The following CCT6B variants were observed in gnomAD, a reference collection of about 807,000 sequenced individuals.
CCT6B encodes the protein chaperonin containing TCP1 subunit 6B.
CCT6B carries 49 observed loss-of-function variants against 61.5 expected under a neutral mutation model. The ratio of observed to expected loss-of-function variants is 0.80; its 90% CI spans 0.63 to 1.01. The LOEUF (loss-of-function observed/expected upper bound fraction) is 1.01, where lower values mean the gene tolerates loss of function less well. CCT6B is among the 50% of genes least tolerant of loss of function. The pLI, the probability that CCT6B is intolerant of heterozygous loss-of-function variation, is 0.00. For missense variants in CCT6B, 666 were observed against 634.7 expected, an observed-to-expected ratio of 1.05 and a Z score of -0.53; for synonymous variants, 228 against 214.5, an observed-to-expected ratio of 1.06 and a Z score of -0.55.
intron 12 of CCT6B, among the ~76,000 whole-genome samples, chr17:34,930,740 TTTG>T (rs1333684322): frequency 6.6e-5 from 10 of 152,220 alleles, no homozygotes; most frequent in Non-Finnish European, 1.3e-4. Flanking sequence ...TTTTGTCTGT[TTTG>T]TTCTGTGTGA....
chr17:34,951,912 T>C, intron 5 of CCT6B, 38 bp downstream of exon 5: 1 of 973,738 alleles, frequency 1.0e-6, no homozygotes, highest in Non-Finnish European at 1.6e-6. Context: ...TTTAAAAAAT[T>C]CTAGAACCCA....
At chr17:34,950,928 C>CA (rs773347367) in intron 5 of CCT6B, among the ~76,000 whole-genome samples, 1,064 of 96,542 alleles carry the variant, frequency 0.011, 8 homozygotes, top group African/African-American at 0.025. Context: ...GACTCCATCT[C>CA]AAAAAAAAAA....
intron 7 of CCT6B, 48 bp from the exon 8 acceptor site, chr17:34,940,669 T>A (rs1240688506): frequency 1.9e-6 from 2 of 1,040,034 alleles, no homozygotes; most frequent in Non-Finnish European, 2.9e-6. Flanking sequence ...TAAACCAGTA[T>A]TTCTCAAACC....
chr17:34,950,700 G>A (rs1030994458), intron 5 of CCT6B, among the ~76,000 whole-genome samples: 1 of 152,178 alleles, frequency 6.6e-6, no homozygotes, highest in African/African-American at 2.4e-5. Flanking sequence ...GAAGGCCGAG[G>A]CGGGTGGATC....
chr17:34,932,362 T>C lies in CCT6B; in HGVS notation c.1347+5A>G. 6.2e-7 allele frequency: 1 copy of C among 1,602,580 alleles called. No homozygotes were observed. The highest frequency in any genetic ancestry group is 8.5e-7 in the Non-Finnish European group (1 of 1,176,572). On this transcript the variant is annotated splice_donor_5th_base_variant and intron_variant, in intron 11 of 13. Coordinates refer to ENST00000314144, the MANE Select transcript of CCT6B (RefSeq NM_006584.4). ...GTTGTTATTTGGCCGAAAGGGTAGT[T>C]GTACCTTGGGAATAATGAGTAAGGC...
At chr17:34,939,395 A>T (rs2090133216) in intron 9 of CCT6B, 65 bp from the exon 10 acceptor site, 1 of 1,320,234 alleles carries the variant, frequency 7.6e-7, no homozygotes, top group South Asian at 1.3e-5. Flanking sequence ...AACAATTTAT[A>T]CTAGAATACA....
At chr17:34,959,123 C>A (rs1022051604) in intron 2 of CCT6B, among the ~76,000 whole-genome samples, 1 of 102,540 alleles carries the variant, frequency 9.8e-6, no homozygotes, top group Non-Finnish European at 1.8e-5. Flanking sequence ...AAAAAAAAAA[C>A]TTTTTTTTTT....
intron 10 of CCT6B, 29 bp downstream of exon 10, chr17:34,939,154 G>C (rs1311114384): frequency 6.3e-7 from 1 of 1,591,006 alleles, no homozygotes; most frequent in African/African-American, 1.3e-5. Context: ...TATACATGAG[G>C]TTCATATCAA....
chr17:34,929,034 C>T lies in CCT6B; in HGVS notation c.1451G>A (p.Gly484Asp), dbSNP rs1339327730. 1.3e-6 allele frequency: 2 copies of T among 1,598,218 alleles called. No homozygotes were observed. Among genetic ancestry groups the T allele is most frequent in the Admixed American group, 1.7e-5 (1 of 59,248 alleles). Reference protein sequence around the residue: ...KQLVGVDLNTGEPMVAADAGV... With the variant: ...KQLVGVDLNTDEPMVAADAGV... ...TGCATCTGCTGCTACCATTGGCTCACCTGAAAAGTAAAAACAATTTTCATA... is the reference window on the plus strand; with the variant it reads ...TGCATCTGCTGCTACCATTGGCTCATCTGAAAAGTAAAAACAATTTTCATA... The change falls in exon 13 of 14, where the codon GGT (glycine) becomes GAT (aspartate). Residue 484 changes from glycine to aspartate, a missense_variant and splice_region_variant. Transcript: ENST00000314144.
At chr17:34,948,214 C>T (rs1035339315) in intron 5 of CCT6B, among the ~76,000 whole-genome samples, 3 of 152,084 alleles carry the variant, frequency 2.0e-5, no homozygotes, top group South Asian at 4.2e-4. Flanking sequence ...CCCTTCCCCC[C>T]GGGGTCCCCA....
chr17:34,949,864 T>C (rs1028983218), intron 5 of CCT6B: 7 of 152,174 alleles, frequency 4.6e-5, no homozygotes, highest in Non-Finnish European at 8.8e-5. Flanking sequence ...TCAATAAGGA[T>C]ATAGAAGTTC....
In CCT6B at chr17:34,954,435, G is replaced by C. The variant is rs2142177078; in HGVS notation, c.501C>G (p.Val167=). 6.2e-7 allele frequency: 1 copy of C among 1,604,394 alleles called. No homozygotes were observed. Among genetic ancestry groups the C allele is most frequent in the Middle Eastern group, 1.7e-4 (1 of 5,840 alleles). ...AAGTTTAATAACATACCTCTGTTAA[G>C]ACATCAGCCAGTTCAGCATGAACTT... is the stretch of plus-strand genomic sequence containing the variant. ...QTKVHAELAD[V]LTEVVVDSVL... is the part of the protein sequence containing the mutation. Residue 167 remains valine, a synonymous_variant, in exon 4 of 14, where the codon GTC becomes GTG. Transcript: ENST00000314144.
chr17:34,944,228 T>C (rs1056328604), intron 5 of CCT6B: 15 of 152,286 alleles, frequency 9.8e-5, no homozygotes, highest in African/African-American at 3.4e-4. Flanking sequence ...AATAGAAACA[T>C]TGTCCCATTA....
At chr17:34,944,198 T>C (rs969377107) in intron 5 of CCT6B, 1 of 152,174 alleles carries the variant, frequency 6.6e-6, no homozygotes, top group African/African-American at 2.4e-5. Flanking sequence ...TGTCAGCAAA[T>C]GACATTGTTT....
At chr17:34,954,647 G>A in intron 3 of CCT6B, 48 bp from the exon 4 acceptor site, 1 of 1,477,504 alleles carries the variant, frequency 6.8e-7, no homozygotes, top group Non-Finnish European at 9.2e-7. Flanking sequence ...GTCACCCAAT[G>A]TAAAAGTAAC....
At chr17:34,940,226 T>G (rs1394950363) in intron 8 of CCT6B, among the ~76,000 whole-genome samples, 1 of 152,130 alleles carries the variant, frequency 6.6e-6, no homozygotes, top group Admixed American at 6.5e-5. Context: ...ACTATCTACT[T>G]CTATGAGTTC....
At chr17:34,948,711 T>A (rs1401416801) in intron 5 of CCT6B, among the ~76,000 whole-genome samples, 9 of 118,202 alleles carry the variant, frequency 7.6e-5, no homozygotes, top group Admixed American at 1.9e-4. Context: ...TGAAACTCCA[T>A]CTAAAAAAAA....
rs755067243 is a variant in CCT6B at position 34,928,147 on chromosome 17, G to A, written c.1524-30C>T. 3.4e-6 allele frequency: 5 copies of A among 1,464,692 alleles called. No homozygotes were observed. The East Asian group carries it at 1.2e-4, about 34-fold the overall frequency. 90.7% of individuals were successfully genotyped at this position (1,464,692 alleles called of 1,614,324 possible). ...GGAAAAAGATGAGAGGGTGAGTAAA[G>A]CCTACTAACCCACTCTTAGCTTTTT... On this transcript the variant is annotated intron_variant, in intron 13 of 13. Transcript: ENST00000314144.
chr17:34,937,157 A>T (rs980765696), intron 10 of CCT6B, among the ~76,000 whole-genome samples: 3 of 148,536 alleles, frequency 2.0e-5, no homozygotes, highest in Non-Finnish European at 4.5e-5. Flanking sequence ...GATCCTTTCT[A>T]AAAAAAAAAG....
Sources: allele counts gnomAD v4.1 joint callset (sites outside exome capture counted in the v4.1 genomes callset), GRCh38; gene constraint gnomAD v4.1.1; transcripts MANE v1.5; gene names NCBI Gene and HGNC (gene_info 2026-07-23, HGNC 2026-07-21).